IDO2: variants seen among roughly 807,000 people sequenced by gnomAD.
IDO2 encodes the protein indoleamine 2,3-dioxygenase-like 1 protein.
Under a neutral mutation model 45.1 loss-of-function variants are expected in IDO2, and 46 were observed. The observed-to-expected ratio is 1.02, with a 90% confidence interval of 0.80 to 1.30. IDO2 has a LOEUF of 1.30. Ranked by LOEUF, IDO2 falls within the 50% of genes most tolerant of loss-of-function variation. The pLI, the probability that IDO2 is intolerant of heterozygous loss-of-function variation, is 0.00. For missense variants in IDO2, 544 were observed against 491.8 expected (o/e 1.11, Z -1.00); for synonymous variants, 218 against 184.9 (o/e 1.18, Z -1.45).
intron 2 of IDO2, among the ~76,000 whole-genome samples, chr8:39,958,346 G>C (rs552739346): frequency 7.6e-6 from 1 of 131,264 alleles, no homozygotes; most frequent in South Asian, 2.5e-4. Flanking sequence ...CGATTCTCCC[G>C]CCTCAGCCTC....
intron 9 of IDO2, among the ~76,000 whole-genome samples, chr8:40,010,620 T>A (rs2129595530): frequency 6.6e-6 from 1 of 152,202 alleles, no homozygotes; most frequent in Non-Finnish European, 1.5e-5. Flanking sequence ...TGTTGAGAAA[T>A]GGTCAGATTC....
intron 10 of IDO2, among the ~76,000 whole-genome samples, chr8:40,014,000 C>A (rs2955898): frequency 1.1e-4 from 16 of 152,236 alleles, no homozygotes; most frequent in South Asian, 4.1e-4. Flanking sequence ...CACTAGCTTC[C>A]TTTTTCTGAA....
intron 8 of IDO2, among the ~76,000 whole-genome samples, chr8:40,002,522 C>T (rs2909327): frequency 0.086 from 13,033 of 152,162 alleles, 653 homozygotes; most frequent in Middle Eastern, 0.15. Flanking sequence ...GAGCTGGGCG[C>T]GGTGGCTCAC....
intron 9 of IDO2, among the ~76,000 whole-genome samples, chr8:40,011,302 T>A (rs965846734): frequency 6.6e-6 from 1 of 152,082 alleles, no homozygotes; most frequent in Non-Finnish European, 1.5e-5. Flanking sequence ...CCTTTGAGAG[T>A]GCAACATTTA....
intron 5 of IDO2, among the ~76,000 whole-genome samples, chr8:39,984,371 A>G (rs988273430): frequency 6.6e-6 from 1 of 152,206 alleles, no homozygotes; most frequent in Non-Finnish European, 1.5e-5. Flanking sequence ...GCTACTCAGG[A>G]GGCTGAGGCA....
intron 9 of IDO2, among the ~76,000 whole-genome samples, chr8:40,009,285 G>C (rs1274612438): frequency 6.6e-6 from 1 of 152,124 alleles, no homozygotes; most frequent in Non-Finnish European, 1.5e-5. Context: ...AAAGTGCTGG[G>C]ATTACAGGCA....
At chr8:40,003,014 A>G (rs912371979) in intron 8 of IDO2, among the ~76,000 whole-genome samples, 1 of 152,204 alleles carries the variant, frequency 6.6e-6, no homozygotes. Flanking sequence ...CTTTTGTGAC[A>G]TGGCCTGAAA....
intron 8 of IDO2, among the ~76,000 whole-genome samples, chr8:40,002,782 AAAAT>A (rs933791399): frequency 5.9e-5 from 9 of 152,088 alleles, no homozygotes; most frequent in Non-Finnish European, 1.0e-4. Flanking sequence ...TCCATCTCCA[AAAAT>A]AAATAAATAA....
intron 5 of IDO2, 37 bp from the exon 6 acceptor site, chr8:39,985,471 C>T: frequency 3.3e-6 from 5 of 1,524,068 alleles, no homozygotes; most frequent in Non-Finnish European, 2.7e-6. Flanking sequence ...TATTTTTTTT[C>T]TCTCTTGGTG....
At chr8:39,995,878 A>G (rs867176502) in intron 8 of IDO2, among the ~76,000 whole-genome samples, 23 of 152,152 alleles carry the variant, frequency 1.5e-4, no homozygotes, top group African/African-American at 5.1e-4. Context: ...GTCTAGCGGT[A>G]ACGCCCGCGT....
rs1489522492 is a variant in IDO2, at chr8:39,992,011, GT to G, written c.667+2176del. 2.6e-5 allele frequency among the ~76,000 whole-genome samples: 4 copies of G among 152,124 alleles called. No individual in the cohort carries two copies. In the East Asian group the frequency reaches 5.8e-4, roughly 22 times the overall value. Reference sequence around the variant, plus strand: ...CATTTTCCCACACAGACATAATTTCGTTTCAGTGTTTTACTCCTAGTCACAT... The same window carrying G: ...CATTTTCCCACACAGACATAATTTCGTTCAGTGTTTTACTCCTAGTCACAT... On this transcript the variant is annotated intron_variant, in intron 8 of 10. Transcript: ENST00000502986.
At chr8:39,970,764 CTTTTTT>C (rs766122277) in intron 3 of IDO2, among the ~76,000 whole-genome samples, 1 of 112,446 alleles carries the variant, frequency 8.9e-6, no homozygotes, top group African/African-American at 3.7e-5. Flanking sequence ...CCAACCAGGA[CTTTTTT>C]TTTTTTTTTT....
intron 6 of IDO2, among the ~76,000 whole-genome samples, chr8:39,986,685 G>A (rs1460328395): frequency 6.7e-6 from 1 of 148,636 alleles, no homozygotes; most frequent in Non-Finnish European, 1.5e-5. Flanking sequence ...TAGATAGATA[G>A]ATAGATAGAT....
chr8:39,949,834 G>A (rs551937163), intron 2 of IDO2, among the ~76,000 whole-genome samples: 1 of 152,154 alleles, frequency 6.6e-6, no homozygotes, highest in Non-Finnish European at 1.5e-5. Context: ...GAGGAAACTT[G>A]GGTGCTTTCA....
chr8:39,942,449 G>C (rs1807657714), intron 1 of IDO2, among the ~76,000 whole-genome samples: 1 of 152,152 alleles, frequency 6.6e-6, no homozygotes, highest in Non-Finnish European at 1.5e-5. Context: ...TTTGAGACCA[G>C]CCTGGCCAAC....
chr8:40,012,689 A>G (rs143248214), intron 9 of IDO2, among the ~76,000 whole-genome samples: 30 of 152,274 alleles, frequency 2.0e-4, no homozygotes, highest in African/African-American at 6.7e-4. Flanking sequence ...GGGGGAACTC[A>G]GAGAAAACAG....
intron 7 of IDO2, among the ~76,000 whole-genome samples, 156 bp from the exon 8 acceptor site, chr8:39,989,565 C>G (rs576417062): frequency 6.6e-6 from 1 of 152,276 alleles, no homozygotes; most frequent in African/African-American, 2.4e-5. Flanking sequence ...TTCTGGCTGT[C>G]AGGCCAACCC....
At chr8:39,960,895 G>C (rs957424441) in intron 2 of IDO2, among the ~76,000 whole-genome samples, 2 of 152,100 alleles carry the variant, frequency 1.3e-5, no homozygotes, top group African/African-American at 4.8e-5. Flanking sequence ...CCATTCTCCT[G>C]CCTCAGCCTC....
At chr8:39,994,396 T>G (rs1801998901) in intron 8 of IDO2, among the ~76,000 whole-genome samples, 1 of 152,118 alleles carries the variant, frequency 6.6e-6, no homozygotes, top group Non-Finnish European at 1.5e-5. Flanking sequence ...TAGCTGGGAT[T>G]ATAGGCGTGT....
Sources: allele counts gnomAD v4.1 joint callset (sites outside exome capture counted in the v4.1 genomes callset), GRCh38; gene constraint gnomAD v4.1.1; transcripts MANE v1.5; gene names NCBI Gene and HGNC (gene_info 2026-07-23, HGNC 2026-07-21).